The following EIF2B3 variants were observed in gnomAD, a reference collection of about 807,000 sequenced individuals.
The protein encoded by EIF2B3 is eukaryotic translation initiation factor 2B subunit gamma.
EIF2B3 carries 20 observed loss-of-function variants against 54.1 expected under a neutral mutation model. The observed-to-expected ratio is 0.37, with a 90% CI of 0.26 to 0.54. The LOEUF is 0.54. Ranked by LOEUF, EIF2B3 falls within the 20% of genes least tolerant of loss-of-function variation. EIF2B3 has a pLI of 0.86. For synonymous variants in EIF2B3, 153 were observed against 188.1 expected, an observed-to-expected ratio of 0.81 and a Z score of 1.52; for missense variants, 448 against 547.8, an observed-to-expected ratio of 0.82 and a Z score of 1.82.
At chr1:44,932,945 T>C (rs1215025762) in intron 4 of EIF2B3, among the ~76,000 whole-genome samples, 1 of 152,126 alleles carries the variant, frequency 6.6e-6, no homozygotes, top group Non-Finnish European at 1.5e-5. Context: ...AATGTGGGTA[T>C]AAAGTAAGAA....
intron 4 of EIF2B3, chr1:44,932,532 T>C (rs942499685): frequency 6.6e-6 from 1 of 152,194 alleles, no homozygotes; most frequent in African/African-American, 2.4e-5. Context: ...TACAACCTGG[T>C]GACTAGTTAG....
intron 5 of EIF2B3, among the ~76,000 whole-genome samples, chr1:44,902,405 G>A (rs114785280): frequency 0.015 from 2,266 of 152,092 alleles, 62 homozygotes; most frequent in African/African-American, 0.052. Flanking sequence ...TGCCCTCTTA[G>A]ACCACCTGGG....
At chr1:44,972,621 A>AACACACAC (rs1557711842) in intron 3 of EIF2B3, 1 of 81,848 alleles carries the variant, frequency 1.2e-5, no homozygotes, top group South Asian at 3.9e-4. Flanking sequence ...ATAATAAATA[A>AACACACAC]ATACACACAC....
intron 3 of EIF2B3, among the ~76,000 whole-genome samples, chr1:44,946,942 A>G (rs1644109166): frequency 6.6e-6 from 1 of 152,244 alleles, no homozygotes; most frequent in Non-Finnish European, 1.5e-5. Flanking sequence ...CAAGCCATGA[A>G]TAAACATGGA....
intron 10 of EIF2B3, among the ~76,000 whole-genome samples, chr1:44,869,930 A>G (rs1427073749): frequency 6.6e-6 from 1 of 152,080 alleles, no homozygotes; most frequent in Non-Finnish European, 1.5e-5. Flanking sequence ...AGAACACCAC[A>G]ATATGGTGGT....
chr1:44,981,719 T>C (rs1234901670), intron 1 of EIF2B3, among the ~76,000 whole-genome samples: 1 of 151,956 alleles, frequency 6.6e-6, no homozygotes, highest in East Asian at 1.9e-4. Context: ...GTGGATCACA[T>C]GAGCTCAGGA....
At chr1:44,951,293 C>T (rs1644157908) in intron 3 of EIF2B3, among the ~76,000 whole-genome samples, 1 of 152,102 alleles carries the variant, frequency 6.6e-6, no homozygotes, top group South Asian at 2.1e-4. Flanking sequence ...AACAAACAAA[C>T]AAAAATCCCT....
chr1:44,941,027 C>A (rs569337427), intron 4 of EIF2B3, among the ~76,000 whole-genome samples: 1 of 151,734 alleles, frequency 6.6e-6, no homozygotes, highest in Admixed American at 6.6e-5. Context: ...GCTGGGATTA[C>A]AGGCACACGC....
intron 6 of EIF2B3, among the ~76,000 whole-genome samples, chr1:44,886,823 C>A (rs1191211818): frequency 1.3e-5 from 2 of 152,236 alleles, no homozygotes; most frequent in South Asian, 2.1e-4. Flanking sequence ...GACCATGAGG[C>A]ATCCTTGGAG....
At chr1:44,971,804 G>A (rs565099778) in intron 3 of EIF2B3, among the ~76,000 whole-genome samples, 66 of 152,198 alleles carry the variant, frequency 4.3e-4, no homozygotes, top group African/African-American at 1.5e-3. Flanking sequence ...AGGCTGAGGT[G>A]GGTGGATCAC....
intron 3 of EIF2B3, among the ~76,000 whole-genome samples, chr1:44,947,983 A>C (rs1644121197): frequency 6.6e-6 from 1 of 152,114 alleles, no homozygotes; most frequent in Non-Finnish European, 1.5e-5. Flanking sequence ...CTGGGATTAC[A>C]TGCATGAGCC....
intron 5 of EIF2B3, among the ~76,000 whole-genome samples, chr1:44,902,850 A>AAAG (rs1569669778): frequency 6.7e-6 from 1 of 150,360 alleles, no homozygotes; most frequent in East Asian, 1.9e-4. Flanking sequence ...AAAAAAAAAA[A>AAAG]AAAAAAGAAA....
chr1:44,896,375 G>T (rs554583385), intron 6 of EIF2B3, among the ~76,000 whole-genome samples: 1 of 132,234 alleles, frequency 7.6e-6, no homozygotes, highest in Non-Finnish European at 1.5e-5. Context: ...AAGTGTTGTG[G>T]GGGGGTGACA....
At chr1:44,931,450 C>T (rs1569763260) in intron 4 of EIF2B3, among the ~76,000 whole-genome samples, 1 of 152,210 alleles carries the variant, frequency 6.6e-6, no homozygotes, top group South Asian at 2.1e-4. Flanking sequence ...AAATGTGTGG[C>T]AACTTTTATA....
At chr1:44,971,443 GTTACT>G (rs1644398855) in intron 3 of EIF2B3, among the ~76,000 whole-genome samples, 2 of 151,844 alleles carry the variant, frequency 1.3e-5, no homozygotes, top group African/African-American at 4.8e-5. Context: ...CCCTTTGGAG[GTTACT>G]TTACTTTCCT....
At chr1:44,921,278 T>G (rs1643733290) in intron 5 of EIF2B3, among the ~76,000 whole-genome samples, 1 of 152,238 alleles carries the variant, frequency 6.6e-6, no homozygotes, top group Non-Finnish European at 1.5e-5. Flanking sequence ...CCTTCTATAT[T>G]CTGGTTATTA....
At chr1:44,911,441 T>C (rs1395714422) in intron 5 of EIF2B3, among the ~76,000 whole-genome samples, 1 of 152,220 alleles carries the variant, frequency 6.6e-6, no homozygotes, top group Admixed American at 6.5e-5. Context: ...GCTTGACATC[T>C]ATGAAGGAAA....
At chr1:44,942,405 ATATATATATATATTTTTTTTT>A (rs1644039291) in intron 3 of EIF2B3, among the ~76,000 whole-genome samples, 1 of 18,270 alleles carries the variant, frequency 5.5e-5, no homozygotes, top group Non-Finnish European at 9.0e-5. Flanking sequence ...ATATATATAT[ATATATATATATATTTTTTTTT>A]TTTTTTTTTT....
At chr1:44,894,004 C>T (rs1462607681) in intron 6 of EIF2B3, among the ~76,000 whole-genome samples, 1 of 152,176 alleles carries the variant, frequency 6.6e-6, no homozygotes, top group Admixed American at 6.5e-5. Flanking sequence ...CAGTGACAAT[C>T]TAGGGCCCTG....
Sources: allele counts gnomAD v4.1 joint callset (sites outside exome capture counted in the v4.1 genomes callset), GRCh38; gene constraint gnomAD v4.1.1; transcripts MANE v1.5; gene names NCBI Gene and HGNC (gene_info 2026-07-23, HGNC 2026-07-21).